The following CWC15 variants were observed in gnomAD, a reference collection of about 807,000 sequenced individuals.
CWC15 encodes CWC15 spliceosome associated protein, also known as spliceosome-associated protein CWC15 homolog.
CWC15 carries 12 observed loss-of-function variants against 28.4 expected under a neutral mutation model. The ratio of observed to expected loss-of-function variants is 0.42; its 90% CI spans 0.27 to 0.69. CWC15 has a LOEUF of 0.69. CWC15 is among the 30% of genes least tolerant of loss of function. The probability of loss-of-function intolerance (pLI) is 0.23; values close to 1 mark genes in which losing one functional copy is unlikely to be tolerated. For synonymous variants in CWC15, 92 were observed against 88.4 expected, an observed-to-expected ratio of 1.04 and a Z score of -0.23; for missense variants, 192 against 271.5, an observed-to-expected ratio of 0.71 and a Z score of 2.06.
chr11:94,970,788 A>C, intron 4 of CWC15, 189 bp downstream of exon 4: 1 of 579,540 alleles, frequency 1.7e-6, no homozygotes, highest in Non-Finnish European at 3.1e-6. Flanking sequence ...ACTTGTTCTT[A>C]AAGTCCCACA....
intron 3 of CWC15, 46 bp from the exon 4 acceptor site, chr11:94,971,111 A>G: frequency 6.6e-7 from 1 of 1,513,474 alleles, no homozygotes; most frequent in Non-Finnish European, 9.2e-7. Context: ...CAAATACTTC[A>G]TTTCTTAAAA....
In CWC15 at chr11:94,962,785, TC is replaced by T. The variant is rs1857586068; in HGVS notation, c.*599del. The T allele has an allele frequency of 6.6e-6, 1 of 152,120 alleles. No homozygotes were observed. The highest frequency in any genetic ancestry group is 1.5e-5 in the Non-Finnish European group (1 of 68,056). 9.4% of individuals were successfully genotyped at this position (152,120 alleles called of 1,614,324 possible). A position where few individuals can be genotyped will look rare whatever the true frequency, so the allele number is the denominator to read the frequency against. ...CTTTAAAAGAATGCTTACAGAGCTCTCCTCTTCGGCCATGAGAAAAAAAAAC... is the reference window on the plus strand; with the variant it reads ...CTTTAAAAGAATGCTTACAGAGCTCTCTCTTCGGCCATGAGAAAAAAAAAC... On this transcript the variant is annotated 3_prime_UTR_variant, in exon 7 of 7. Coordinates refer to ENST00000279839, the MANE Select transcript of CWC15 (RefSeq NM_016403.4).
chr11:94,971,545 C>CACAT (rs1480381146), intron 2 of CWC15, 58 bp from the exon 3 acceptor site: 3 of 963,140 alleles, frequency 3.1e-6, no homozygotes, highest in Non-Finnish European at 4.7e-6. Context: ...CACACACACA[C>CACAT]AGAGACTGTA....
In CWC15 at chr11:94,970,091, TTCC is replaced by T. The variant is rs782083592; in HGVS notation, c.336_338del (p.Glu113del). The stretch of plus-strand genomic sequence containing the variant: ...CACTTTCTTCTTCAAAATCTTCATC[TTCC>T]TCCTAAAAGAACAGTGAGAGCCCAG... On this transcript the variant is annotated inframe_deletion and splice_region_variant, in exon 5 of 7. Transcript: ENST00000279839. The T allele has an allele frequency of 7.6e-5, 114 of 1,490,338 alleles. No homozygotes were observed. Among genetic ancestry groups the T allele is most frequent in the Non-Finnish European group, 1.0e-4 (112 of 1,091,730 alleles). 92.3% of individuals were successfully genotyped at this position (1,490,338 alleles called of 1,614,324 possible).
intron 6 of CWC15, among the ~76,000 whole-genome samples, chr11:94,965,956 CTT>C (rs1857634241): frequency 6.6e-6 from 1 of 152,166 alleles, no homozygotes. Flanking sequence ...GAGAGGCCAT[CTT>C]GAGGACCCTT....
chr11:94,968,980 T>C (rs1219216487), intron 5 of CWC15, among the ~76,000 whole-genome samples: 3 of 152,198 alleles, frequency 2.0e-5, no homozygotes, highest in East Asian at 1.9e-4. Flanking sequence ...AAATTTAACA[T>C]GTTCAAAACA....
At chr11:94,972,396 T>C (rs1349122875) in intron 1 of CWC15, among the ~76,000 whole-genome samples, 2 of 152,166 alleles carry the variant, frequency 1.3e-5, no homozygotes, top group African/African-American at 4.8e-5. Context: ...CTTGCCTTAG[T>C]ACAAAAAATT....
At chr11:94,966,174 C>T (rs118043786) in intron 6 of CWC15, 121 bp downstream of exon 6, 2 of 603,640 alleles carry the variant, frequency 3.3e-6, no homozygotes, top group Non-Finnish European at 5.6e-6. Flanking sequence ...TTACAATGCA[C>T]CTTGCTATCC....
chr11:94,970,220 A>G, intron 4 of CWC15, 124 bp from the exon 5 acceptor site: 1 of 420,876 alleles, frequency 2.4e-6, no homozygotes, highest in Non-Finnish European at 4.2e-6. Context: ...AAACAACTTT[A>G]AGCTAGCAGC....
chr11:94,972,542 G>A (rs2134104686), intron 1 of CWC15, among the ~76,000 whole-genome samples: 1 of 152,272 alleles, frequency 6.6e-6, no homozygotes, highest in Admixed American at 6.5e-5. Flanking sequence ...CACTTGACAT[G>A]TCAAAACCCT....
chr11:94,972,292 T>G (rs1857733013), intron 1 of CWC15, 99 bp from the exon 2 acceptor site: 1 of 1,178,956 alleles, frequency 8.5e-7, no homozygotes, highest in African/African-American at 1.5e-5. Context: ...GTTCTAAAAC[T>G]CATTCCCCAA....
At chr11:94,967,218 T>C (rs1857659068) in intron 5 of CWC15, among the ~76,000 whole-genome samples, 1 of 151,896 alleles carries the variant, frequency 6.6e-6, no homozygotes, top group South Asian at 2.1e-4. Flanking sequence ...AGTAGAGACG[T>C]CATTTCACCA....
intron 5 of CWC15, among the ~76,000 whole-genome samples, chr11:94,968,186 G>A (rs1555095602): frequency 6.6e-6 from 1 of 152,146 alleles, no homozygotes; most frequent in Non-Finnish European, 1.5e-5. Flanking sequence ...CTCTGTGGGT[G>A]TTTTTATGTT....
intron 5 of CWC15, among the ~76,000 whole-genome samples, chr11:94,968,624 T>C (rs1857677685): frequency 1.3e-5 from 2 of 152,242 alleles, no homozygotes; most frequent in African/African-American, 4.8e-5. Context: ...AAAAACTAGA[T>C]GTAAAAACTA....
intron 6 of CWC15, 104 bp downstream of exon 6, chr11:94,966,191 T>A (rs782134199): frequency 1.5e-6 from 1 of 672,674 alleles, no homozygotes; most frequent in East Asian, 3.3e-5. Flanking sequence ...ATCCAACTTA[T>A]AATCTGCATG....
At chr11:94,968,790 T>TG (rs1339493080) in intron 5 of CWC15, among the ~76,000 whole-genome samples, 2 of 152,240 alleles carry the variant, frequency 1.3e-5, no homozygotes, top group Non-Finnish European at 2.9e-5. Flanking sequence ...CTGATTCACA[T>TG]GAAGTCTACT....
Position 94,972,043 on chromosome 11 carries a change from A to G in CWC15, c.131+12T>C. 6.2e-7 allele frequency: 1 copy of G among 1,605,368 alleles called. No individual in the cohort carries two copies. The highest frequency in any genetic ancestry group is 8.5e-7 in the Non-Finnish European group (1 of 1,176,646). On this transcript the variant is annotated intron_variant, in intron 2 of 6. Transcript: ENST00000279839. ...TTGTTTTGTGAACAATAAAAAAAGA[A>G]AGTCTTACTACCTGTATTTTATCTT...
chr11:94,970,845 G>C, intron 4 of CWC15, 132 bp downstream of exon 4: 1 of 761,334 alleles, frequency 1.3e-6, no homozygotes, highest in Non-Finnish European at 2.3e-6. Flanking sequence ...TTAGCACTGA[G>C]GTCAGGGCTA....
Position 94,971,009 on chromosome 11 carries a change from C to G in CWC15, c.301G>C (p.Ala101Pro). 1.2e-6 allele frequency: 2 copies of G among 1,613,724 alleles called. No individual in the cohort carries two copies. The highest frequency in any genetic ancestry group is 1.7e-6 in the Non-Finnish European group (2 of 1,179,674). The change falls in exon 4 of 7, where the codon GCC (alanine) becomes CCC (proline). Residue 101 changes from alanine (A) to proline (P), a missense_variant. Coordinates refer to ENST00000279839, the MANE Select transcript of CWC15 (RefSeq NM_016403.4). ...KKPRLDQIPAANLDADDPLTD... is the reference protein window; with the variant it reads ...KKPRLDQIPAPNLDADDPLTD... ...AGAGGGTCATCTGCATCAAGGTTGG[C>G]GGCAGGAATCTGGTCTAACCGTGGC...
Sources: gnomAD v4.1 joint callset for allele counts (sites outside exome capture counted in the v4.1 genomes callset) on GRCh38, gnomAD v4.1.1 for gene constraint, MANE v1.5 for transcripts, NCBI Gene and HGNC (gene_info 2026-07-23, HGNC 2026-07-21) for gene names.